The following CHCHD6 variants were observed in gnomAD, a reference collection of about 807,000 sequenced individuals.
CHCHD6 encodes the protein MICOS complex subunit MIC25.
In CHCHD6, 28 loss-of-function variants were observed where a neutral mutation model predicts 32.3. The ratio of observed to expected loss-of-function variants is 0.87; its 90% CI spans 0.64 to 1.19. The LOEUF (loss-of-function observed/expected upper bound fraction) is 1.19. CHCHD6 is among the 50% of genes most tolerant of loss of function. The pLI, the probability that CHCHD6 is intolerant of heterozygous loss-of-function variation, is 0.00. For synonymous variants in CHCHD6, 122 were observed against 117.5 expected (o/e 1.04, Z -0.25); for missense variants, 333 against 307.0 (o/e 1.08, Z -0.63).
intron 3 of CHCHD6, 49 bp downstream of exon 3, chr3:126,730,679 C>G: frequency 6.6e-7 from 1 of 1,506,530 alleles, no homozygotes. Context: ...CGCCTAAAAG[C>G]CTCTTTCCTC....
At chr3:126,933,960 C>T in intron 6 of CHCHD6, among the ~76,000 whole-genome samples, 1 of 152,232 alleles carries the variant, frequency 6.6e-6, no homozygotes, top group Non-Finnish European at 1.5e-5. Flanking sequence ...CTCTCACACT[C>T]GCTCTGCCTA....
intron 6 of CHCHD6, among the ~76,000 whole-genome samples, chr3:126,923,249 G>A (rs1380370498): frequency 6.6e-6 from 1 of 152,180 alleles, no homozygotes; most frequent in Non-Finnish European, 1.5e-5. Context: ...AATCTGTTAA[G>A]CTGTTTGTCT....
At chr3:126,720,621 A>G (rs1168830523) in intron 1 of CHCHD6, among the ~76,000 whole-genome samples, 1 of 152,226 alleles carries the variant, frequency 6.6e-6, no homozygotes, top group African/African-American at 2.4e-5. Flanking sequence ...GCTCTTAGCC[A>G]GTTTCAGCCA....
intron 4 of CHCHD6, among the ~76,000 whole-genome samples, chr3:126,790,383 G>C (rs1168886006): frequency 6.6e-6 from 1 of 152,160 alleles, no homozygotes; most frequent in Non-Finnish European, 1.5e-5. Context: ...TTGCTAGGTT[G>C]GGGAAGTTCT....
intron 4 of CHCHD6, among the ~76,000 whole-genome samples, chr3:126,774,190 G>C (rs918684372): frequency 5.3e-5 from 8 of 152,148 alleles, no homozygotes; most frequent in African/African-American, 1.9e-4. Flanking sequence ...CACGTTAAGT[G>C]CTCAGGTTGG....
At chr3:126,873,189 T>C (rs577640325) in intron 5 of CHCHD6, among the ~76,000 whole-genome samples, 12 of 152,348 alleles carry the variant, frequency 7.9e-5, no homozygotes, top group African/African-American at 2.6e-4. Flanking sequence ...ATCATCTCTC[T>C]AGATGAGAAA....
intron 5 of CHCHD6, among the ~76,000 whole-genome samples, chr3:126,883,796 T>C (rs2077643862): frequency 6.6e-6 from 1 of 152,214 alleles, no homozygotes; most frequent in Admixed American, 6.5e-5. Flanking sequence ...TGTCTCTGCA[T>C]ACTCTGGGCT....
intron 5 of CHCHD6, among the ~76,000 whole-genome samples, chr3:126,912,827 G>T (rs556213568): frequency 1.4e-4 from 21 of 152,340 alleles, no homozygotes; most frequent in Admixed American, 1.2e-3. Flanking sequence ...AAGACTAGAG[G>T]GGGGCCTGGT....
intron 4 of CHCHD6, among the ~76,000 whole-genome samples, chr3:126,789,359 T>G (rs1938402012): frequency 1.3e-5 from 2 of 151,910 alleles, no homozygotes; most frequent in African/African-American, 4.8e-5. Context: ...AGAGCTGAGT[T>G]CAATTCCTGG....
chr3:126,939,225 G>T (rs1183756775), intron 6 of CHCHD6, among the ~76,000 whole-genome samples: 1 of 152,126 alleles, frequency 6.6e-6, no homozygotes, highest in Non-Finnish European at 1.5e-5. Context: ...AAGCAATAGG[G>T]TTTTGAGTGC....
intron 4 of CHCHD6, among the ~76,000 whole-genome samples, chr3:126,831,692 A>G (rs1290163557): frequency 6.6e-6 from 1 of 152,180 alleles, no homozygotes; most frequent in African/African-American, 2.4e-5. Context: ...ACAGGCTCAT[A>G]CTCAATATGT....
At chr3:126,732,171 T>C (rs1181922050) in intron 3 of CHCHD6, among the ~76,000 whole-genome samples, 1 of 151,242 alleles carries the variant, frequency 6.6e-6, no homozygotes, top group Non-Finnish European at 1.5e-5. Flanking sequence ...AATGGTAAAG[T>C]AATGCCTGCT....
chr3:126,773,631 C>T (rs1252414678), intron 4 of CHCHD6, among the ~76,000 whole-genome samples: 4 of 113,668 alleles, frequency 3.5e-5, no homozygotes, highest in African/African-American at 1.0e-4. Context: ...TTTTTTGAGA[C>T]AGAGCGTCAG....
intron 4 of CHCHD6, among the ~76,000 whole-genome samples, chr3:126,784,729 C>T (rs561683538): frequency 6.6e-6 from 1 of 152,326 alleles, no homozygotes; most frequent in African/African-American, 2.4e-5. Context: ...GCCAAATAAT[C>T]TGACCCCTCC....
intron 5 of CHCHD6, among the ~76,000 whole-genome samples, chr3:126,874,505 C>T (rs1437504346): frequency 6.6e-6 from 1 of 152,120 alleles, no homozygotes; most frequent in Non-Finnish European, 1.5e-5. Flanking sequence ...GAGGGCTCCT[C>T]ATCACCTGAG....
intron 5 of CHCHD6, among the ~76,000 whole-genome samples, chr3:126,905,436 A>G (rs2077990926): frequency 1.3e-5 from 2 of 152,190 alleles, no homozygotes; most frequent in African/African-American, 2.4e-5. Flanking sequence ...CTAGAACATC[A>G]TGGAGGCTTG....
rs546179022 is a variant in CHCHD6 at position 126,913,207 on chromosome 3, C to CTTTTTTTTTTTTTTTT, written c.496-1451_496-1436dup. Among the ~76,000 whole-genome samples, 6 of 33,786 alleles carry CTTTTTTTTTTTTTTTT rather than the reference C, an allele frequency of 1.8e-4. 1 individual carries two copies. Among genetic ancestry groups the CTTTTTTTTTTTTTTTT allele is most frequent in the African/African-American group, 7.9e-4 (6 of 7,642 alleles). The allele number at this position is 33,786 out of a possible 152,430, so 22.2% of individuals were successfully genotyped here. ...GGATAATCATGCTGCCCGTATGAGCCTTTTTTTTTTTTTTTTTTTTTTTTT... is the reference window on the plus strand; with the variant it reads ...GGATAATCATGCTGCCCGTATGAGCCTTTTTTTTTTTTTTTTTTTTTTTTTTTTTTTTTTTTTTTTT... On this transcript the variant is annotated intron_variant, in intron 5 of 7. Transcript: ENST00000290913.
chr3:126,727,245 G>C, intron 2 of CHCHD6, 59 bp downstream of exon 2: 3 of 1,236,644 alleles, frequency 2.4e-6, no homozygotes, highest in Non-Finnish European at 3.5e-6. Context: ...AGTGATGGGT[G>C]CTCACCCGAG....
intron 5 of CHCHD6, among the ~76,000 whole-genome samples, chr3:126,901,926 T>C (rs2077933945): frequency 6.6e-6 from 1 of 152,234 alleles, no homozygotes; most frequent in African/African-American, 2.4e-5. Context: ...AATCCTTTAA[T>C]ATTCCTTTGA....
Sources: gnomAD v4.1 joint callset for allele counts (sites outside exome capture counted in the v4.1 genomes callset) on GRCh38, gnomAD v4.1.1 for gene constraint, MANE v1.5 for transcripts, NCBI Gene and HGNC (gene_info 2026-07-23, HGNC 2026-07-21) for gene names.